CSMD1: variants seen among roughly 807,000 people sequenced by gnomAD.
CSMD1 encodes CUB and sushi domain-containing protein 1.
A neutral mutation model predicts 417.5 loss-of-function variants in CSMD1; 213 were observed. The observed-to-expected ratio is 0.51, with a 90% CI of 0.46 to 0.57. The LOEUF (loss-of-function observed/expected upper bound fraction) is 0.57. CSMD1 is among the 20% of genes least tolerant of loss of function. The pLI is 0.00. For synonymous variants in CSMD1, 2,862 were observed against 1,736.8 expected, an observed-to-expected ratio of 1.65 and a Z score of -16.11; for missense variants, 6,923 against 4,529.7, an observed-to-expected ratio of 1.53 and a Z score of -15.17.
intron 9 of CSMD1, 99 bp from the exon 10 acceptor site, chr8:3,575,165 C>T (rs1246736084): frequency 5.9e-5 from 58 of 984,752 alleles, no homozygotes; most frequent in East Asian, 9.1e-5. Flanking sequence ...ATTATCTAAT[C>T]ACAGTAAAAA....
chr8:3,147,949 C>A (rs1379057361), intron 40 of CSMD1, among the ~76,000 whole-genome samples: 4 of 152,142 alleles, frequency 2.6e-5, no homozygotes, highest in Non-Finnish European at 5.9e-5. Context: ...AATCTTCTGG[C>A]TATTCTTTTG....
chr8:3,325,202 G>C (rs1202654874), intron 23 of CSMD1, among the ~76,000 whole-genome samples: 2 of 152,140 alleles, frequency 1.3e-5, no homozygotes, highest in Admixed American at 6.5e-5. Flanking sequence ...ACGGTGTCCA[G>C]GTCTCCAGGC....
rs140676589 is a variant in CSMD1 at position 4,034,928 on chromosome 8, C to T, written c.416-2829G>A. ...CACAATGACCAGTCATTGTCACACA[C>T]GGAAAATGCAAATGAAACACTCTGG... On this transcript the variant is annotated intron_variant, in intron 3 of 69. Transcript: ENST00000635120. Among the ~76,000 whole-genome samples the T allele has an allele frequency of 1.0e-3, 154 of 152,186 alleles. 1 individual carries two copies. Among genetic ancestry groups the T allele is most frequent in the African/African-American group, 3.5e-3 (144 of 41,520 alleles).
At chr8:3,946,349 C>T (rs1811222428) in intron 5 of CSMD1, among the ~76,000 whole-genome samples, 1 of 152,084 alleles carries the variant, frequency 6.6e-6, no homozygotes, top group South Asian at 2.1e-4. Context: ...TCAAAAAAAT[C>T]ATTTTATCAC....
intron 6 of CSMD1, among the ~76,000 whole-genome samples, chr8:3,718,029 A>G (rs1801942233): frequency 6.6e-6 from 1 of 152,200 alleles, no homozygotes; most frequent in African/African-American, 2.4e-5. Flanking sequence ...CTCTCTGCCC[A>G]CATTGTTTTA....
At chr8:4,140,076 G>C (rs369083229) in intron 3 of CSMD1, among the ~76,000 whole-genome samples, 1 of 151,024 alleles carries the variant, frequency 6.6e-6, no homozygotes, top group Admixed American at 6.6e-5. Context: ...ACAATAGCCA[G>C]GTACAGTTAC....
intron 1 of CSMD1, among the ~76,000 whole-genome samples, chr8:4,822,686 C>T (rs774807788): frequency 6.6e-6 from 1 of 152,028 alleles, no homozygotes; most frequent in Non-Finnish European, 1.5e-5. Context: ...ATATAATTAG[C>T]CATATACAAT....
At chr8:4,707,886 C>CAAAAAAAAAAAAAAAAAAAAAAAAAAA (rs552510236) in intron 1 of CSMD1, among the ~76,000 whole-genome samples, 8 of 100,848 alleles carry the variant, frequency 7.9e-5, no homozygotes, top group Non-Finnish European at 1.6e-4. Flanking sequence ...GACTTTGTTT[C>CAAAAAAAAAAAAAAAAAAAAAAAAAAA]AAAAAAAAAA....
At chr8:4,559,236 T>TGGATAAA (rs1031273851) in intron 2 of CSMD1, among the ~76,000 whole-genome samples, 6 of 148,648 alleles carry the variant, frequency 4.0e-5, no homozygotes, top group African/African-American at 1.6e-4. Context: ...CTTAAAATGT[T>TGGATAAA]GGATAAACTT....
chr8:4,036,031 C>T (rs901891040), intron 3 of CSMD1, among the ~76,000 whole-genome samples: 9 of 152,050 alleles, frequency 5.9e-5, no homozygotes, highest in African/African-American at 2.2e-4. Flanking sequence ...TGTTTAGAGA[C>T]ACATATACTG....
chr8:4,553,353 G>C (rs575086089), intron 2 of CSMD1, among the ~76,000 whole-genome samples: 2 of 151,620 alleles, frequency 1.3e-5, no homozygotes, highest in East Asian at 1.9e-4. Context: ...AATTACTCCT[G>C]ACAGGCATTT....
chr8:3,411,683 T>TGTATATACACACGTATATATACAC (rs1812712457), intron 12 of CSMD1, among the ~76,000 whole-genome samples: 2 of 64,258 alleles, frequency 3.1e-5, no homozygotes, highest in Non-Finnish European at 6.6e-5. Flanking sequence ...TATATATACG[T>TGTATATACACACGTATATATACAC]GTATATATAC....
intron 18 of CSMD1, among the ~76,000 whole-genome samples, chr8:3,376,004 A>G (rs1810280051): frequency 6.6e-6 from 1 of 151,998 alleles, no homozygotes; most frequent in Non-Finnish European, 1.5e-5. Flanking sequence ...TTTTTCTCCA[A>G]CTTCTTTATC....
At chr8:4,509,603 G>A (rs943529718) in intron 2 of CSMD1, among the ~76,000 whole-genome samples, 3 of 152,100 alleles carry the variant, frequency 2.0e-5, no homozygotes, top group Admixed American at 2.0e-4. Context: ...ACACACCCCA[G>A]CCAAGTCACC....
intron 2 of CSMD1, among the ~76,000 whole-genome samples, chr8:4,565,340 A>C (rs566764524): frequency 2.7e-3 from 407 of 152,344 alleles, no homozygotes; most frequent in Non-Finnish European, 4.5e-3. Context: ...CAGTCTGCCT[A>C]AAAATGGCTT....
chr8:4,204,672 T>C (rs1046690503), intron 3 of CSMD1, among the ~76,000 whole-genome samples: 1 of 152,178 alleles, frequency 6.6e-6, no homozygotes, highest in Admixed American at 6.5e-5. Context: ...AGTAGTATTT[T>C]GAGACACAGT....
chr8:3,356,674 T>G (rs1394716611), intron 21 of CSMD1, among the ~76,000 whole-genome samples: 1 of 149,892 alleles, frequency 6.7e-6, no homozygotes, highest in Non-Finnish European at 1.5e-5. Flanking sequence ...AAACTCCATC[T>G]CAAAACAAAA....
At chr8:4,249,271 T>G (rs1017916137) in intron 3 of CSMD1, among the ~76,000 whole-genome samples, 3 of 152,218 alleles carry the variant, frequency 2.0e-5, no homozygotes, top group Non-Finnish European at 2.9e-5. Flanking sequence ...ATCTTGTCTT[T>G]TACTTCTAAA....
intron 2 of CSMD1, among the ~76,000 whole-genome samples, chr8:4,591,044 A>G (rs1288911489): frequency 5.3e-5 from 8 of 152,172 alleles, no homozygotes; most frequent in Non-Finnish European, 1.2e-4. Context: ...GTTTCTCTGA[A>G]GCCTGTGTTC....
Sources: allele counts gnomAD v4.1 joint callset (sites outside exome capture counted in the v4.1 genomes callset), GRCh38; gene constraint gnomAD v4.1.1; transcripts MANE v1.5; gene names NCBI Gene and HGNC (gene_info 2026-07-23, HGNC 2026-07-21).